Variants in TEC observed in about 807,000 individuals in gnomAD.
TEC encodes the protein tyrosine-protein kinase Tec.
Under a neutral mutation model 93.0 loss-of-function variants are expected in TEC, and 72 were observed. The observed-to-expected ratio is 0.77, with a 90% CI of 0.64 to 0.94. The LOEUF is 0.94. Among genes scored for constraint, TEC ranks in the 40% least tolerant of loss-of-function variants. TEC has a pLI of 0.00. For synonymous variants in TEC, 249 were observed against 247.7 expected, an observed-to-expected ratio of 1.01 and a Z score of -0.05; for missense variants, 630 against 757.9, an observed-to-expected ratio of 0.83 and a Z score of 1.98.
chr4:48,212,110 A>T lies in TEC; in HGVS notation c.138+16367T>A, dbSNP rs866861583. ...TGAGACTCTGTCTCAAAAAAAAAAA[A>T]ATATATATATATATATATATATGTA... is the stretch of plus-strand genomic sequence containing the variant. On this transcript the variant is annotated intron_variant, in intron 2 of 17. Transcript: ENST00000381501. Among the ~76,000 whole-genome samples, 249 of 122,240 alleles carry T rather than the reference A, an allele frequency of 2.0e-3. 1 individual carries two copies. Among genetic ancestry groups the T allele is most frequent in the Middle Eastern group, 4.3e-3 (1 of 234 alleles). The allele number at this position is 122,240 out of a possible 152,430, so 80.2% of individuals were successfully genotyped here. A position where few individuals can be genotyped will look rare whatever the true frequency, so the allele number is the denominator to read the frequency against.
intron 2 of TEC, among the ~76,000 whole-genome samples, chr4:48,177,856 T>G (rs1194790865): frequency 6.6e-6 from 1 of 152,170 alleles, no homozygotes; most frequent in African/African-American, 2.4e-5. Flanking sequence ...TCTTTCCCTT[T>G]TACTCATTTC....
chr4:48,168,039 C>A, intron 6 of TEC, 86 bp from the exon 7 acceptor site: 1 of 1,228,160 alleles, frequency 8.1e-7, no homozygotes, highest in African/African-American at 1.5e-5. Context: ...CATACATCAC[C>A]ACAGAATAAA....
chr4:48,249,327 A>G (rs1383165328), intron 1 of TEC, among the ~76,000 whole-genome samples: 1 of 152,242 alleles, frequency 6.6e-6, no homozygotes, highest in Non-Finnish European at 1.5e-5. Context: ...GGAATAAAGT[A>G]CAGAAATAGG....
At chr4:48,224,069 A>G (rs1723356283) in intron 2 of TEC, among the ~76,000 whole-genome samples, 2 of 152,164 alleles carry the variant, frequency 1.3e-5, no homozygotes, top group Admixed American at 6.6e-5. Context: ...GCTGTAATAA[A>G]TCTAGTTGTG....
intron 5 of TEC, 35 bp from the exon 6 acceptor site, chr4:48,168,661 C>T: frequency 6.3e-7 from 1 of 1,591,424 alleles, no homozygotes; most frequent in South Asian, 1.2e-5. Context: ...GATTAAAATG[C>T]TATCTACCAA....
chr4:48,213,772 A>G (rs1412299620), intron 2 of TEC, among the ~76,000 whole-genome samples: 1 of 152,182 alleles, frequency 6.6e-6, no homozygotes, highest in African/African-American at 2.4e-5. Context: ...TAAATACTGA[A>G]TTAAAACATA....
At chr4:48,179,338 GTATATATATATATATATATA>G (rs61241595) in intron 2 of TEC, among the ~76,000 whole-genome samples, 5 of 51,652 alleles carry the variant, frequency 9.7e-5, no homozygotes, top group Admixed American at 3.7e-4. Context: ...GACGTGGGTA[GTATATATATATATATATATA>G]TATATATATA....
chr4:48,243,982 A>AAG (rs1723989806), intron 1 of TEC, among the ~76,000 whole-genome samples: 1 of 149,950 alleles, frequency 6.7e-6, no homozygotes, highest in Non-Finnish European at 1.5e-5. Context: ...AAAAAAAAAA[A>AAG]GAGGTAGAGA....
chr4:48,168,028 T>C, intron 6 of TEC, 75 bp from the exon 7 acceptor site: 1 of 1,340,270 alleles, frequency 7.5e-7, no homozygotes, highest in East Asian at 2.3e-5. Context: ...ACTAAATGAG[T>C]CATACATCAC....
At chr4:48,202,563 A>G (rs1722567535) in intron 2 of TEC, among the ~76,000 whole-genome samples, 1 of 152,102 alleles carries the variant, frequency 6.6e-6, no homozygotes, top group Non-Finnish European at 1.5e-5. Context: ...GAAAAAAAAA[A>G]TGGATTTTTA....
chr4:48,166,156 C>T (rs1446939769), intron 7 of TEC, among the ~76,000 whole-genome samples: 3 of 152,118 alleles, frequency 2.0e-5, no homozygotes, highest in South Asian at 2.1e-4. Context: ...TTGCAAGCCA[C>T]GCAGTAAGAG....
chr4:48,199,201 T>C (rs1254996090), intron 2 of TEC, among the ~76,000 whole-genome samples: 2 of 152,186 alleles, frequency 1.3e-5, no homozygotes, highest in African/African-American at 4.8e-5. Context: ...GGAAGCCACC[T>C]CCTTTTAGGA....
intron 4 of TEC, 70 bp from the exon 5 acceptor site, chr4:48,170,446 G>T: frequency 9.4e-7 from 1 of 1,064,684 alleles, no homozygotes; most frequent in Non-Finnish European, 1.4e-6. Context: ...ATAAATAACA[G>T]TGTCGATCAT....
At chr4:48,224,767 C>T (rs950334357) in intron 2 of TEC, among the ~76,000 whole-genome samples, 1 of 152,134 alleles carries the variant, frequency 6.6e-6, no homozygotes, top group African/African-American at 2.4e-5. Flanking sequence ...TAGGATTTTT[C>T]AGCATATTTC....
chr4:48,169,774 T>C (rs571588329), intron 5 of TEC, among the ~76,000 whole-genome samples: 1 of 152,354 alleles, frequency 6.6e-6, no homozygotes, highest in Admixed American at 6.5e-5. Flanking sequence ...ACCTTAGACA[T>C]TGTTCATCTC....
At chr4:48,183,750 C>T (rs1385077673) in intron 2 of TEC, among the ~76,000 whole-genome samples, 3 of 152,164 alleles carry the variant, frequency 2.0e-5, no homozygotes, top group Non-Finnish European at 4.4e-5. Flanking sequence ...TAATCTATTG[C>T]GTGAGCCCAT....
At chr4:48,179,209 T>G (rs914408742) in intron 2 of TEC, among the ~76,000 whole-genome samples, 1 of 151,634 alleles carries the variant, frequency 6.6e-6, no homozygotes, top group African/African-American at 2.4e-5. Context: ...CTTTTAATCC[T>G]CACAGCTGCT....
Position 48,171,424 on chromosome 4 carries a change from T to A in TEC, c.269A>T (p.Tyr90Phe). 1 of 1,613,700 alleles carries A rather than the reference T, an allele frequency of 6.2e-7. No homozygotes were observed. The highest frequency in any genetic ancestry group is 8.5e-7 in the Non-Finnish European group (1 of 1,179,862). The change falls in exon 4 of 18, where the codon TAC becomes TTC. Residue 90 changes from tyrosine (Y) to phenylalanine (F), a missense_variant. Coordinates refer to ENST00000381501, the MANE Select transcript of TEC (RefSeq NM_003215.3). ...FQVVHDANTL[Y>F]IFAPSPQSRD... is the part of the protein sequence containing the mutation. The stretch of plus-strand genomic sequence containing the variant: ...GCTTTGTGGACTAGGTGCAAAAATG[T>A]AAAGTGTGTTAGCATCATGAACAAC...
At chr4:48,145,767 C>T (rs554214811) in intron 12 of TEC, among the ~76,000 whole-genome samples, 188 bp from the exon 13 acceptor site, 8 of 152,292 alleles carry the variant, frequency 5.3e-5, no homozygotes, top group African/African-American at 1.9e-4. Flanking sequence ...AAGGATGAAT[C>T]CCTTCTAACC....
Sources: gnomAD v4.1 joint callset for allele counts (sites outside exome capture counted in the v4.1 genomes callset) on GRCh38, gnomAD v4.1.1 for gene constraint, MANE v1.5 for transcripts, NCBI Gene and HGNC (gene_info 2026-07-23, HGNC 2026-07-21) for gene names.